The following DNMT3A variants were observed in gnomAD, a reference collection of about 807,000 sequenced individuals.
The protein encoded by DNMT3A is DNA methyltransferase 3 alpha, also known as DNA (cytosine-5)-methyltransferase 3A.
Under a neutral mutation model 117.6 loss-of-function variants are expected in DNMT3A, and 267 were observed. That is an observed-to-expected ratio of 2.27 (90% CI 2.05 to 2.51). The LOEUF (loss-of-function observed/expected upper bound fraction) is 2.51, where lower values mean the gene tolerates loss of function less well. Ranked by LOEUF, DNMT3A falls within the 30% of genes most tolerant of loss-of-function variation. The pLI is 0.00. For synonymous variants in DNMT3A, 432 were observed against 474.8 expected (o/e 0.91, Z 1.17); for missense variants, 1,029 against 1,260.2 (o/e 0.82, Z 2.78).
Position 25,239,216 on chromosome 2 carries a change from C to A in DNMT3A, c.2323-1G>T. On this transcript the variant is annotated splice_acceptor_variant, in intron 19 of 22. Transcript: ENST00000321117. LOFTEE classifies it high-confidence loss of function. ...TGGCATCAATCATCACAGGGTTGGA[C>A]TACAAAACAGGAGACGGTTTGAAGA... 1 of 1,613,708 alleles carries A rather than the reference C, an allele frequency of 6.2e-7. No homozygotes were observed. Among genetic ancestry groups the A allele is most frequent in the Non-Finnish European group, 8.5e-7 (1 of 1,179,760 alleles).
intron 3 of DNMT3A, among the ~76,000 whole-genome samples, chr2:25,297,439 T>G (rs1390997327): frequency 6.6e-6 from 1 of 151,668 alleles, no homozygotes; most frequent in Non-Finnish European, 1.5e-5. Context: ...CCCATAGGCC[T>G]GCACCCCAGC....
At chr2:25,275,867 C>T (rs1369764479) in intron 4 of DNMT3A, among the ~76,000 whole-genome samples, 1 of 152,160 alleles carries the variant, frequency 6.6e-6, no homozygotes, top group East Asian at 1.9e-4. Flanking sequence ...ACTAAAAATA[C>T]CCCCATTCTG....
Position 25,298,284 on chromosome 2 carries a change from C to T in DNMT3A, c.177+1855G>A, listed in dbSNP as rs2033214828. ...CCAGGGGATGTAGGACTGCCGGCCC[C>T]TCTCCCCTCACTCGGCTGTGCCCCT... is the stretch of plus-strand genomic sequence containing the variant. On this transcript the variant is annotated intron_variant, in intron 3 of 22. Coordinates refer to ENST00000321117, the MANE Select transcript of DNMT3A (RefSeq NM_022552.5). This position sits in a 1 kb window ranked among gnomAD's most constrained non-coding sequence, Gnocchi z 4.3. 6.6e-6 allele frequency among the ~76,000 whole-genome samples: 1 copy of T among 152,118 alleles called. No individual in the cohort carries two copies. The highest frequency in any genetic ancestry group is 2.4e-5 in the African/African-American group (1 of 41,410).
rs1280312528 is a variant in DNMT3A at position 25,231,529 on chromosome 2, G to A, written c.*2750C>T. On this transcript the variant is annotated 3_prime_UTR_variant, in exon 23 of 23. Transcript: ENST00000321117. Reference sequence around the variant, plus strand: ...GCAGGGGGTCCAAAGCCTTGGTTTGGTTTTGTCACTAATTACTAATTTGGT... The same window carrying A: ...GCAGGGGGTCCAAAGCCTTGGTTTGATTTTGTCACTAATTACTAATTTGGT... 2.6e-5 allele frequency: 4 copies of A among 152,238 alleles called. No homozygotes were observed. Among genetic ancestry groups the A allele is most frequent in the African/African-American group, 4.8e-5 (2 of 41,460 alleles). 9.4% of individuals were successfully genotyped at this position (152,238 alleles called of 1,614,324 possible).
At chr2:25,246,963 C>T (rs1210535335) in intron 9 of DNMT3A, 88 bp downstream of exon 9, 18 of 1,507,090 alleles carry the variant, frequency 1.2e-5, no homozygotes, top group South Asian at 2.4e-5. Flanking sequence ...CCTGGGCCTC[C>T]GTTCTGCTCA....
intron 2 of DNMT3A, 34 bp downstream of exon 2, chr2:25,313,879 G>A: frequency 6.5e-7 from 1 of 1,548,884 alleles, no homozygotes; most frequent in Admixed American, 2.0e-5. Flanking sequence ...CCCTCTCCCA[G>A]GCCAGAGGGT....
At chr2:25,341,695 C>T (rs1259765674) in intron 1 of DNMT3A, 131 bp downstream of exon 1, 18 of 652,704 alleles carry the variant, frequency 2.8e-5, no homozygotes, top group Non-Finnish European at 3.2e-5. Context: ...GGGCGCCCGG[C>T]GCCGAGTTGC....
chr2:25,320,442 T>C (rs1054008003), intron 1 of DNMT3A, among the ~76,000 whole-genome samples: 2 of 152,138 alleles, frequency 1.3e-5, no homozygotes, highest in African/African-American at 2.4e-5. Context: ...CATTACACAA[T>C]GTATGCATGT....
chr2:25,297,114 C>T (rs1356351961), intron 3 of DNMT3A, among the ~76,000 whole-genome samples: 1 of 152,186 alleles, frequency 6.6e-6, no homozygotes, highest in Non-Finnish European at 1.5e-5. Flanking sequence ...GGACCAGCAC[C>T]TGCGACCACA....
At position 25,305,178 on chromosome 2, in the gene DNMT3A, C is replaced by A. The variant is rs1295577190; in HGVS notation, c.73-4935G>T. On this transcript the variant is annotated intron_variant, in intron 2 of 22. Coordinates refer to ENST00000321117, the MANE Select transcript of DNMT3A (RefSeq NM_022552.5). This position sits in a 1 kb window ranked among gnomAD's most constrained non-coding sequence, Gnocchi z 4.1. Reference sequence around the variant, plus strand: ...CTGTGTACGAGGTTCCAGTGCCTCTCGGATCTTTACGATTCCAGATTAGGA... The same window carrying A: ...CTGTGTACGAGGTTCCAGTGCCTCTAGGATCTTTACGATTCCAGATTAGGA... 6.6e-6 allele frequency among the ~76,000 whole-genome samples: 1 copy of A among 152,236 alleles called. No homozygotes were observed. Among genetic ancestry groups the A allele is most frequent in the Non-Finnish European group, 1.5e-5 (1 of 68,038 alleles).
chr2:25,237,176 C>T lies in DNMT3A; in HGVS notation c.2409-171G>A, dbSNP rs542769939. On this transcript the variant is annotated intron_variant, in intron 20 of 22. Transcript: ENST00000321117. This position sits in a 1 kb window ranked among gnomAD's most constrained non-coding sequence, Gnocchi z 5.4. ...TCTCTTCAAACTCCCCGCAAACACA[C>T]GAACACACACTGCAGCCATGCAAAG... Among the ~76,000 whole-genome samples the T allele has an allele frequency of 1.3e-4, 20 of 152,198 alleles. No individual in the cohort carries two copies. Among genetic ancestry groups the T allele is most frequent in the African/African-American group, 4.6e-4 (19 of 41,450 alleles).
In DNMT3A at chr2:25,295,238, G is replaced by A. The variant is rs1020797641; in HGVS notation, c.177+4901C>T. ...TCCTCCCCACCTCACACCCACACAC[G>A]GGCTCAGCTCCACGCACCAGCCCCC... On this transcript the variant is annotated intron_variant, in intron 3 of 22. Coordinates refer to ENST00000321117, the MANE Select transcript of DNMT3A (RefSeq NM_022552.5). Among the ~76,000 whole-genome samples, 8 of 152,062 alleles carry A rather than the reference G, an allele frequency of 5.3e-5. No homozygotes were observed. In the East Asian group the frequency reaches 1.2e-3, roughly 22 times the overall value.
chr2:25,272,183 C>T (rs1027247688), intron 6 of DNMT3A, among the ~76,000 whole-genome samples: 2 of 152,188 alleles, frequency 1.3e-5, no homozygotes, highest in Non-Finnish European at 2.9e-5. Flanking sequence ...GATGGGGTTT[C>T]AACATGTTGG....
At chr2:25,244,721 T>TC in intron 13 of DNMT3A, 69 bp from the exon 14 acceptor site, 1 of 1,354,424 alleles carries the variant, frequency 7.4e-7, no homozygotes, top group Non-Finnish European at 1.1e-6. Flanking sequence ...GAAGGGAGGC[T>TC]CCACACCTGG....
intron 1 of DNMT3A, among the ~76,000 whole-genome samples, chr2:25,315,204 C>A (rs2034322367): frequency 6.6e-6 from 1 of 152,240 alleles, no homozygotes; most frequent in Non-Finnish European, 1.5e-5. Flanking sequence ...CTCCCATCCC[C>A]CTCCAGTCAG....
At chr2:25,261,438 C>CAAAAAAAAA in intron 6 of DNMT3A, among the ~76,000 whole-genome samples, 1 of 30,128 alleles carries the variant, frequency 3.3e-5, no homozygotes, top group Non-Finnish European at 6.3e-5. Context: ...GACTCTGTCT[C>CAAAAAAAAA]AAAAAAAAAA....
Position 25,247,331 on chromosome 2 carries a change from G to A in DNMT3A, c.1015-173C>T, listed in dbSNP as rs1055362291. The A allele has an allele frequency of 5.2e-6, 4 of 774,858 alleles. No individual in the cohort carries two copies. Among genetic ancestry groups the A allele is most frequent in the Non-Finnish European group, 8.2e-6 (4 of 485,512 alleles). The allele number at this position is 774,858 out of a possible 1,614,324, so 48.0% of individuals were successfully genotyped here. A position where few individuals can be genotyped will look rare whatever the true frequency, so the allele number is the denominator to read the frequency against. On this transcript the variant is annotated intron_variant, in intron 8 of 22. Transcript: ENST00000321117. The surrounding 1 kb of genome is among the most constrained non-coding windows in gnomAD (Gnocchi z 5.6). The stretch of plus-strand genomic sequence containing the variant: ...AAAGAGGAGTCCAGACCAAGAGTAG[G>A]GAAGTACCTGAGTGCAGGTGGAAAG...
At position 25,238,003 on chromosome 2, in the gene DNMT3A, C is replaced by T. The variant is rs569944930; in HGVS notation, c.2409-998G>A. On this transcript the variant is annotated intron_variant, in intron 20 of 22. Transcript: ENST00000321117. ...AAATCAGGTGCTCGACAGATGTCCC[C>T]GACTCTTTATGCGTGCACTGCCCAG... Among the ~76,000 whole-genome samples, 105 of 152,242 alleles carry T rather than the reference C, an allele frequency of 6.9e-4. 2 individuals carry two copies. The highest frequency in any genetic ancestry group is 9.4e-4 in the Non-Finnish European group (64 of 68,046).
rs1048723694 is a variant in DNMT3A, at chr2:25,267,851, A to T, written c.639+7090T>A. 1.4e-4 allele frequency among the ~76,000 whole-genome samples: 22 copies of T among 152,090 alleles called. 1 individual carries two copies. The highest frequency in any genetic ancestry group is 5.9e-4 in the Admixed American group (9 of 15,274). On this transcript the variant is annotated intron_variant, in intron 6 of 22. Transcript: ENST00000321117. ...GTATTGAACGAGCTTAAATGCAGAA[A>T]TGGGTAGAGGCAGAAAACAAGCTGG...
Sources: allele counts gnomAD v4.1 joint callset (sites outside exome capture counted in the v4.1 genomes callset), GRCh38; gene constraint gnomAD v4.1.1; non-coding constraint Gnocchi (gnomAD v3.1); transcripts MANE v1.5; gene names NCBI Gene and HGNC (gene_info 2026-07-23, HGNC 2026-07-21).